The following TRPS1 variants were observed in gnomAD, a reference collection of about 807,000 sequenced individuals.
The protein encoded by TRPS1 is transcriptional repressor GATA binding 1.
A neutral mutation model predicts 101.2 loss-of-function variants in TRPS1; 6 were observed. The ratio of observed to expected loss-of-function variants is 0.06; its 90% CI spans 0.03 to 0.12. The LOEUF is 0.12. Among genes scored for constraint, TRPS1 ranks in the 10% least tolerant of loss-of-function variants. TRPS1 has a pLI of 1.00. For missense variants in TRPS1, 1,363 were observed against 1,567.0 expected (o/e 0.87, Z 2.20); for synonymous variants, 578 against 589.8 (o/e 0.98, Z 0.29).
chr8:115,593,964 C>T (rs187304863), intron 4 of TRPS1, among the ~76,000 whole-genome samples: 1 of 152,196 alleles, frequency 6.6e-6, no homozygotes, highest in East Asian at 1.9e-4. Context: ...CCAAAGCTCA[C>T]ACATCTATTG....
At chr8:115,444,929 T>C (rs1813695752) in intron 5 of TRPS1, among the ~76,000 whole-genome samples, 1 of 133,806 alleles carries the variant, frequency 7.5e-6, no homozygotes. Flanking sequence ...ACCAATGATA[T>C]CATTTCTAGG....
In TRPS1 at chr8:115,665,233, C is replaced by T. The variant is rs114147803; in HGVS notation, c.-122+3312G>A. Among the ~76,000 whole-genome samples, 277 of 152,236 alleles carry T rather than the reference C, an allele frequency of 1.8e-3. 1 individual carries two copies. The highest frequency in any genetic ancestry group is 6.4e-3 in the African/African-American group (266 of 41,560). Reference sequence around the variant, plus strand: ...TTGCTGCAAGTCCTCTGGAAACTTTCAGTAATGTTTATTTACAACAAAGAA... The same window carrying T: ...TTGCTGCAAGTCCTCTGGAAACTTTTAGTAATGTTTATTTACAACAAAGAA... On this transcript the variant is annotated intron_variant, in intron 1 of 6. Transcript: ENST00000395715.
chr8:115,575,967 T>C (rs1180633798), intron 5 of TRPS1, among the ~76,000 whole-genome samples: 1 of 152,124 alleles, frequency 6.6e-6, no homozygotes, highest in Non-Finnish European at 1.5e-5. Flanking sequence ...AAATTCTGAT[T>C]TGAACATCTG....
intron 5 of TRPS1, among the ~76,000 whole-genome samples, chr8:115,484,981 G>A (rs1814842081): frequency 1.3e-5 from 2 of 152,148 alleles, no homozygotes; most frequent in African/African-American, 4.8e-5. Flanking sequence ...GGGTCCTCCT[G>A]TACATACACT....
intron 1 of TRPS1, among the ~76,000 whole-genome samples, chr8:115,663,732 A>C (rs1460390043): frequency 1.3e-5 from 2 of 151,320 alleles, no homozygotes; most frequent in Non-Finnish European, 3.0e-5. Flanking sequence ...AAAAAAAAAA[A>C]AAAAAAAAAA....
intron 5 of TRPS1, among the ~76,000 whole-genome samples, chr8:115,433,594 TGTAGAG>T (rs1813374595): frequency 6.6e-6 from 1 of 152,130 alleles, no homozygotes; most frequent in Non-Finnish European, 1.5e-5. Context: ...AGTTTAATCT[TGTAGAG>T]GTAGTTATGT....
In TRPS1 at chr8:115,587,234, T is replaced by C. The variant is rs1817582605; in HGVS notation, c.2467A>G (p.Ser823Gly). The C allele has an allele frequency of 1.2e-6, 2 of 1,614,118 alleles. No homozygotes were observed. The highest frequency in any genetic ancestry group is 1.7e-6 in the Non-Finnish European group (2 of 1,180,042). Residue 823 changes from serine (S) to glycine (G), a missense_variant, in exon 5 of 7, where the codon AGC becomes GGC. Ser to Gly is a moderately conservative substitution (Grantham distance 56). Around this residue, in one of 5 missense-constraint regions of TRPS1, gnomAD observed 1,020 missense variants for 1,073.0 expected, o/e 0.95. Transcript: ENST00000395715. Reference protein sequence around the residue: ...LRGSPSYTQASLGLLTPVSGT... With the variant: ...LRGSPSYTQAGLGLLTPVSGT... ...GACACAGGCGTCAGCAGCCCCAGGC[T>C]TGCTTGGGTGTATGACGGACTCCCC... is the stretch of plus-strand genomic sequence containing the variant.
intron 5 of TRPS1, among the ~76,000 whole-genome samples, chr8:115,572,074 G>A (rs530380939): frequency 1.6e-4 from 24 of 151,986 alleles, no homozygotes; most frequent in South Asian, 6.2e-4. Context: ...GTTCTAAAAC[G>A]TACTCTTCTT....
Position 115,414,479 on chromosome 8 carries a change from G to C in TRPS1, c.3429C>G (p.His1143Gln), listed in dbSNP as rs745619353. ...GGCAAGGATTTGGTAGGCCAGGCACGTGACTCAAGTAGTGCGGATTCCCAG... is the reference window on the plus strand; with the variant it reads ...GGCAAGGATTTGGTAGGCCAGGCACCTGACTCAAGTAGTGCGGATTCCCAG... ...SVPGNPHYLS[H>Q]VPGLPNPCQN... Residue 1143 changes from histidine (H) to glutamine (Q), a missense_variant, in exon 7 of 7, where the codon CAC becomes CAG. Around this residue, in one of 5 missense-constraint regions of TRPS1, gnomAD observed 307 missense variants for 392.4 expected, o/e 0.78. Coordinates refer to ENST00000395715, the MANE Select transcript of TRPS1 (RefSeq NM_014112.5). The surrounding 1 kb of genome is among the most constrained non-coding windows in gnomAD (Gnocchi z 4.8). The C allele has an allele frequency of 3.1e-6, 5 of 1,613,820 alleles. No individual in the cohort carries two copies. The African/African-American group carries it at 6.7e-5, about 22-fold the overall frequency.
chr8:115,667,395 G>A (rs570123629), intron 1 of TRPS1, among the ~76,000 whole-genome samples: 1 of 152,312 alleles, frequency 6.6e-6, no homozygotes, highest in Admixed American at 6.5e-5. Context: ...GTTATTTGGA[G>A]GGACAGCGAT....
At chr8:115,514,353 C>T (rs1339703718) in intron 5 of TRPS1, among the ~76,000 whole-genome samples, 1 of 151,674 alleles carries the variant, frequency 6.6e-6, no homozygotes, top group Non-Finnish European at 1.5e-5. Context: ...AATCCTGGCT[C>T]TGCCACTCGT....
intron 5 of TRPS1, among the ~76,000 whole-genome samples, chr8:115,562,876 CTGTGTGTG>C (rs10588354): frequency 0.048 from 6,335 of 132,638 alleles, 483 homozygotes; most frequent in African/African-American, 0.16. Flanking sequence ...CCCACAGTGT[CTGTGTGTG>C]TGTGTGTGTG....
At chr8:115,499,622 C>G (rs949884775) in intron 5 of TRPS1, among the ~76,000 whole-genome samples, 3 of 152,186 alleles carry the variant, frequency 2.0e-5, no homozygotes, top group Non-Finnish European at 2.9e-5. Context: ...CTAATCAGAA[C>G]CACAAGCTAG....
rs1817433361 is a variant in TRPS1, at chr8:115,580,920, A to C, written c.2700+6081T>G. Among the ~76,000 whole-genome samples the C allele has an allele frequency of 2.6e-5, 4 of 152,274 alleles. No homozygotes were observed. In the South Asian group the frequency reaches 8.3e-4, roughly 32 times the overall value. ...TGAGTATTTTTCCAAAGGAAAGGAAATTAGTATATTAAAGAGACACCTGTA... is the reference window on the plus strand; with the variant it reads ...TGAGTATTTTTCCAAAGGAAAGGAACTTAGTATATTAAAGAGACACCTGTA... On this transcript the variant is annotated intron_variant, in intron 5 of 6. Coordinates refer to ENST00000395715, the MANE Select transcript of TRPS1 (RefSeq NM_014112.5).
chr8:115,475,983 A>T (rs1814596465), intron 5 of TRPS1, among the ~76,000 whole-genome samples: 1 of 150,850 alleles, frequency 6.6e-6, no homozygotes, highest in African/African-American at 2.4e-5. Flanking sequence ...TACCAAAAAG[A>T]GGTGTTCAGA....
chr8:115,630,556 A>C (rs113083292), intron 1 of TRPS1, among the ~76,000 whole-genome samples: 16 of 152,088 alleles, frequency 1.1e-4, no homozygotes, highest in African/African-American at 3.9e-4. Context: ...AAGAAACCAA[A>C]AGTCAGAGGT....
intron 5 of TRPS1, among the ~76,000 whole-genome samples, chr8:115,421,852 A>ACAAAGTAAGATAAC (rs1554618002): frequency 6.6e-6 from 1 of 152,182 alleles, no homozygotes; most frequent in Non-Finnish European, 1.5e-5. Context: ...ACAGTAAGGG[A>ACAAAGTAAGATAAC]TTTCCTTTGA....
intron 4 of TRPS1, among the ~76,000 whole-genome samples, chr8:115,602,190 A>G (rs1240725647): frequency 6.6e-6 from 1 of 152,036 alleles, no homozygotes; most frequent in Non-Finnish European, 1.5e-5. Flanking sequence ...TGCAGGTCCA[A>G]GATGTGTGTG....
intron 3 of TRPS1, among the ~76,000 whole-genome samples, chr8:115,614,196 T>C (rs1209152508): frequency 6.6e-6 from 1 of 152,230 alleles, no homozygotes; most frequent in Non-Finnish European, 1.5e-5. Flanking sequence ...CTTGAGATGG[T>C]TAGCAGAGCA....
Sources: gnomAD v4.1 joint callset for allele counts (sites outside exome capture counted in the v4.1 genomes callset) on GRCh38, gnomAD v4.1.1 for gene constraint, gnomAD v4.1.1 regional missense constraint, Gnocchi (gnomAD v3.1) non-coding constraint, MANE v1.5 for transcripts, NCBI Gene and HGNC (gene_info 2026-07-23, HGNC 2026-07-21) for gene names.